Variants in NRG3 observed in about 807,000 individuals in gnomAD.
The protein encoded by NRG3 is pro-neuregulin-3, membrane-bound isoform.
A neutral mutation model predicts 66.9 loss-of-function variants in NRG3; 31 were observed. The ratio of observed to expected loss-of-function variants is 0.46; its 90% confidence interval spans 0.35 to 0.63. NRG3 has a LOEUF of 0.63. Ranked by LOEUF, NRG3 falls within the 20% of genes least tolerant of loss-of-function variation. NRG3 has a pLI of 0.00. For missense variants in NRG3, 910 were observed against 878.9 expected (o/e 1.04, Z -0.45); for synonymous variants, 393 against 359.4 (o/e 1.09, Z -1.06).
chr10:82,359,027 CTG>C lies in NRG3; in HGVS notation c.953+160_953+161del, dbSNP rs1378033798. ...TCTTAATTTGGAAAGGGCAAGGCTG[CTG>C]CCTCTTTAACAGTGGAAGAAGACAA... On this transcript the variant is annotated intron_variant, in intron 2 of 8. Transcript: ENST00000372141. Among the ~76,000 whole-genome samples the C allele has an allele frequency of 6.6e-5, 10 of 152,282 alleles. No homozygotes were observed. In the South Asian group the frequency reaches 2.1e-3, roughly 32 times the overall value.
At chr10:82,546,813 A>G (rs1483550259) in intron 2 of NRG3, among the ~76,000 whole-genome samples, 1 of 152,192 alleles carries the variant, frequency 6.6e-6, no homozygotes, top group East Asian at 1.9e-4. Flanking sequence ...CAAACACACA[A>G]TGGAATTGCA....
intron 4 of NRG3, among the ~76,000 whole-genome samples, chr10:82,923,653 T>C (rs1846679880): frequency 6.6e-6 from 1 of 151,986 alleles, no homozygotes; most frequent in African/African-American, 2.4e-5. Context: ...GAGAAAGAAA[T>C]GGAAATATTT....
chr10:81,969,073 C>G (rs1564699166), intron 1 of NRG3, among the ~76,000 whole-genome samples: 1 of 152,102 alleles, frequency 6.6e-6, no homozygotes, highest in Non-Finnish European at 1.5e-5. Flanking sequence ...TGCCAGGTCT[C>G]CTGTCAACAG....
chr10:82,100,962 T>G (rs151157589), intron 1 of NRG3, among the ~76,000 whole-genome samples: 162 of 152,144 alleles, frequency 1.1e-3, no homozygotes, highest in African/African-American at 3.7e-3. Flanking sequence ...TCCAGTGAAA[T>G]GATCGAGGTC....
chr10:82,248,979 C>T (rs1208871605), intron 1 of NRG3, among the ~76,000 whole-genome samples: 2 of 152,114 alleles, frequency 1.3e-5, no homozygotes, highest in Non-Finnish European at 2.9e-5. Flanking sequence ...TTGTGCTTTC[C>T]TTCCACCTCC....
At chr10:82,544,516 G>A (rs2043759401) in intron 2 of NRG3, among the ~76,000 whole-genome samples, 1 of 152,266 alleles carries the variant, frequency 6.6e-6, no homozygotes, top group African/African-American at 2.4e-5. Context: ...ATTAACATAT[G>A]TGACACAATC....
chr10:82,466,220 C>T (rs1362185067), intron 2 of NRG3, among the ~76,000 whole-genome samples: 2 of 152,126 alleles, frequency 1.3e-5, no homozygotes, highest in Non-Finnish European at 2.9e-5. Flanking sequence ...GCAACTCTGA[C>T]TGCCCTTGGA....
chr10:82,736,956 G>A (rs1223840412), intron 2 of NRG3, among the ~76,000 whole-genome samples: 1 of 152,078 alleles, frequency 6.6e-6, no homozygotes, highest in Non-Finnish European at 1.5e-5. Context: ...GAAAATGAAA[G>A]CACCATGGTA....
intron 2 of NRG3, among the ~76,000 whole-genome samples, chr10:82,664,881 C>G (rs1309394910): frequency 6.6e-6 from 1 of 151,994 alleles, no homozygotes; most frequent in Non-Finnish European, 1.5e-5. Flanking sequence ...TTGAAGAGAC[C>G]ACAAAGATCA....
At chr10:82,038,145 T>C (rs1328953093) in intron 1 of NRG3, among the ~76,000 whole-genome samples, 1 of 152,178 alleles carries the variant, frequency 6.6e-6, no homozygotes, top group Admixed American at 6.6e-5. Flanking sequence ...AAAAATCTTT[T>C]ATAAACTGAA....
intron 1 of NRG3, among the ~76,000 whole-genome samples, chr10:82,353,584 G>A (rs925031075): frequency 3.0e-4 from 45 of 152,236 alleles, no homozygotes; most frequent in African/African-American, 5.3e-4. Flanking sequence ...GATAGAGACC[G>A]AAACGTATAA....
Position 82,978,986 on chromosome 10 carries a change from T to C in NRG3, c.1449T>C (p.Ser483=), listed in dbSNP as rs898619248. The stretch of plus-strand genomic sequence containing the variant: ...CTTGCTGCAGCCCAGGGCAAAGAAG[T>C]GGCATGCTCCATAGGAATGCCTTCA... ...LSSCCSPGQR[S]GMLHRNAFRR... is the part of the protein sequence containing the mutation. Residue 483 remains serine (S), a synonymous_variant, in exon 8 of 9, where the codon AGT becomes AGC. Transcript: ENST00000372141. 9 of 1,613,874 alleles carry C rather than the reference T, an allele frequency of 5.6e-6. No homozygotes were observed. In the South Asian group the frequency reaches 6.6e-5, roughly 12 times the overall value.
intron 1 of NRG3, among the ~76,000 whole-genome samples, chr10:82,010,791 G>A (rs2061544930): frequency 6.6e-6 from 1 of 152,208 alleles, no homozygotes; most frequent in African/African-American, 2.4e-5. Context: ...GACTCAGGAA[G>A]TATTCTGGAA....
At chr10:82,478,933 C>CCT (rs1842008863) in intron 2 of NRG3, among the ~76,000 whole-genome samples, 1 of 152,186 alleles carries the variant, frequency 6.6e-6, no homozygotes, top group African/African-American at 2.4e-5. Context: ...TTGACTCTAT[C>CCT]TGCTTTTTAA....
intron 1 of NRG3, among the ~76,000 whole-genome samples, chr10:82,306,298 A>G (rs2080719717): frequency 6.6e-6 from 1 of 152,178 alleles, no homozygotes; most frequent in Admixed American, 6.5e-5. Context: ...TGTATAATAG[A>G]TCTTGATCAG....
At chr10:82,374,144 A>C (rs2085063000) in intron 2 of NRG3, among the ~76,000 whole-genome samples, 1 of 152,232 alleles carries the variant, frequency 6.6e-6, no homozygotes, top group Non-Finnish European at 1.5e-5. Flanking sequence ...AATGAGACAG[A>C]AATGTTAATA....
chr10:82,959,097 CT>C, intron 6 of NRG3, 22 bp downstream of exon 6: 1 of 1,573,264 alleles, frequency 6.4e-7, no homozygotes, highest in Non-Finnish European at 8.6e-7. Flanking sequence ...GTCTACACAC[CT>C]CCTCCTATAG....
intron 2 of NRG3, among the ~76,000 whole-genome samples, chr10:82,726,734 A>G (rs1365671121): frequency 1.3e-5 from 2 of 152,102 alleles, no homozygotes; most frequent in Non-Finnish European, 2.9e-5. Context: ...GAAAATTTGG[A>G]AATAACTTTG....
chr10:82,731,417 A>C (rs2820100), intron 2 of NRG3, among the ~76,000 whole-genome samples: 102,819 of 150,758 alleles, frequency 0.68, 35,501 homozygotes, highest in East Asian at 0.8. Context: ...ACCAATATTT[A>C]TCCAGTCCTT....
Sources: gnomAD v4.1 joint callset for allele counts (sites outside exome capture counted in the v4.1 genomes callset) on GRCh38, gnomAD v4.1.1 for gene constraint, MANE v1.5 for transcripts, NCBI Gene and HGNC (gene_info 2026-07-23, HGNC 2026-07-21) for gene names.